Variants in PAX7 observed in about 807,000 individuals in gnomAD.
The protein encoded by PAX7 is paired box 7.
Under a neutral mutation model 50.7 loss-of-function variants are expected in PAX7, and 18 were observed. The ratio of observed to expected loss-of-function variants is 0.36; its 90% CI spans 0.25 to 0.53. PAX7 has a LOEUF of 0.53. Among genes scored for constraint, PAX7 ranks in the 20% least tolerant of loss-of-function variants. The probability of loss-of-function intolerance (pLI) is 0.93; values close to 1 mark genes in which losing one functional copy is unlikely to be tolerated. For missense variants in PAX7, 644 were observed against 702.9 expected, an observed-to-expected ratio of 0.92 and a Z score of 0.95; for synonymous variants, 310 against 290.4, an observed-to-expected ratio of 1.07 and a Z score of -0.69.
chr1:18,651,123 C>T (rs1029485711), intron 4 of PAX7, among the ~76,000 whole-genome samples: 3 of 152,186 alleles, frequency 2.0e-5, no homozygotes, highest in African/African-American at 2.4e-5. Context: ...GGCTTCCCCT[C>T]TCTCAGCCTT....
At chr1:18,739,236 C>G (rs1930986421) in intron 8 of PAX7, among the ~76,000 whole-genome samples, 1 of 152,192 alleles carries the variant, frequency 6.6e-6, no homozygotes, top group Non-Finnish European at 1.5e-5. Context: ...CAATGGTGGA[C>G]CCAAAGTCTT....
At position 18,745,918 on chromosome 1, in the gene PAX7, C is replaced by T. The variant is rs765924875; in HGVS notation, c.*989C>T. ...ATCCCTCTGTTTGTGGGAGGGCAAG[C>T]CTTTGTTGCCCAAGGCTTCAGCTCT... On this transcript the variant is annotated 3_prime_UTR_variant, in exon 9 of 9. Transcript: ENST00000420770. 5 of 231,692 alleles carry T rather than the reference C, an allele frequency of 2.2e-5. No homozygotes were observed. The highest frequency in any genetic ancestry group is 4.3e-5 in the Non-Finnish European group (5 of 117,104). 14.4% of individuals were successfully genotyped at this position (231,692 alleles called of 1,614,324 possible). A position where few individuals can be genotyped will look rare whatever the true frequency, so the allele number is the denominator to read the frequency against.
chr1:18,717,081 A>C (rs1311045630), intron 7 of PAX7, among the ~76,000 whole-genome samples: 2 of 152,060 alleles, frequency 1.3e-5, no homozygotes, highest in African/African-American at 4.8e-5. Context: ...CCATGGCCCG[A>C]GGCCGCCTGA....
intron 7 of PAX7, among the ~76,000 whole-genome samples, chr1:18,710,415 T>G (rs927242984): frequency 3.3e-5 from 5 of 152,086 alleles, no homozygotes; most frequent in African/African-American, 1.2e-4. Context: ...CACCCCTTCA[T>G]TGGCGACACT....
At chr1:18,725,379 G>A (rs574511454) in intron 7 of PAX7, among the ~76,000 whole-genome samples, 4 of 151,834 alleles carry the variant, frequency 2.6e-5, no homozygotes, top group African/African-American at 4.8e-5. Flanking sequence ...CAACCTGGGC[G>A]GGGGACCAGA....
chr1:18,692,269 T>C (rs913688668), intron 5 of PAX7, among the ~76,000 whole-genome samples: 3 of 151,982 alleles, frequency 2.0e-5, no homozygotes, highest in East Asian at 1.9e-4. Context: ...AGGCCAGGTG[T>C]GGTGGCTCAC....
rs1420588647 is a variant in PAX7, at chr1:18,718,321, G to A, written c.1155+15025G>A. Among the ~76,000 whole-genome samples the A allele has an allele frequency of 4.6e-5, 7 of 152,170 alleles. No homozygotes were observed. In the East Asian group the frequency reaches 9.6e-4, roughly 21 times the overall value. ...GCCATACCTGCCAAAAGGATTGGAG[G>A]GTGAGTCTTTGCAGGGTGGGGCGAT... On this transcript the variant is annotated intron_variant, in intron 7 of 8. Transcript: ENST00000420770.
Position 18,698,642 on chromosome 1 carries a change from A to G in PAX7, c.787-2011A>G, listed in dbSNP as rs116495549. ...CGCAGAGCCTGGAAGCTCGGAGGCA[A>G]GGCCATTCCTTGCAGGGCTCCCTCC... On this transcript the variant is annotated intron_variant, in intron 5 of 8. Coordinates refer to ENST00000420770, the MANE Select transcript of PAX7 (RefSeq NM_001135254.2). Among the ~76,000 whole-genome samples, 700 of 152,322 alleles carry G rather than the reference A, an allele frequency of 4.6e-3. 8 individuals carry two copies. The highest frequency in any genetic ancestry group is 0.016 in the African/African-American group (649 of 41,572).
At chr1:18,697,831 C>G (rs924994200) in intron 5 of PAX7, among the ~76,000 whole-genome samples, 12 of 152,156 alleles carry the variant, frequency 7.9e-5, no homozygotes, top group African/African-American at 1.7e-4. Context: ...GCTTATTGCA[C>G]TGAAAAGCAG....
At chr1:18,683,126 C>T (rs921670159) in intron 4 of PAX7, among the ~76,000 whole-genome samples, 4 of 152,164 alleles carry the variant, frequency 2.6e-5, no homozygotes, top group Non-Finnish European at 4.4e-5. Context: ...CTGACCTCCC[C>T]TCCACCCATC....
chr1:18,699,515 C>G (rs987939811), intron 5 of PAX7, among the ~76,000 whole-genome samples: 10 of 151,994 alleles, frequency 6.6e-5, no homozygotes, highest in Admixed American at 6.6e-4. Flanking sequence ...TCTGACCTGT[C>G]CCAGGAAACT....
intron 4 of PAX7, among the ~76,000 whole-genome samples, chr1:18,667,144 G>A (rs143804184): frequency 6.6e-6 from 1 of 152,270 alleles, no homozygotes; most frequent in East Asian, 1.9e-4. Context: ...CTGAGTTGAG[G>A]AGTCAGGTTC....
chr1:18,707,397 C>T (rs187761773), intron 7 of PAX7, among the ~76,000 whole-genome samples: 1 of 141,990 alleles, frequency 7.0e-6, no homozygotes, highest in African/African-American at 2.6e-5. Context: ...CCTTTTCTTT[C>T]CTTTTCTTTT....
intron 8 of PAX7, among the ~76,000 whole-genome samples, chr1:18,737,580 T>C (rs545617831): frequency 3.3e-5 from 5 of 152,408 alleles, no homozygotes; most frequent in African/African-American, 1.2e-4. Context: ...CCATGTGTTA[T>C]TGCATGCATC....
At chr1:18,728,725 C>T (rs1398426886) in intron 7 of PAX7, among the ~76,000 whole-genome samples, 1 of 149,284 alleles carries the variant, frequency 6.7e-6, no homozygotes, top group Non-Finnish European at 1.5e-5. Context: ...ATTAGCCGGG[C>T]TTGGTGGTGC....
At chr1:18,736,630 G>A (rs896791158) in intron 8 of PAX7, among the ~76,000 whole-genome samples, 1 of 152,046 alleles carries the variant, frequency 6.6e-6, no homozygotes, top group African/African-American at 2.4e-5. Context: ...GACATCATGT[G>A]TGTGTTTTAC....
chr1:18,684,180 G>A (rs2088940440), intron 4 of PAX7, among the ~76,000 whole-genome samples: 1 of 152,238 alleles, frequency 6.6e-6, no homozygotes. Flanking sequence ...GGTGGCTGGA[G>A]TCCAGGAAGA....
At chr1:18,707,190 T>C (rs2089294641) in intron 7 of PAX7, among the ~76,000 whole-genome samples, 1 of 152,168 alleles carries the variant, frequency 6.6e-6, no homozygotes, top group African/African-American at 2.4e-5. Flanking sequence ...GAGGTGACAG[T>C]ACAACAGGGT....
intron 7 of PAX7, among the ~76,000 whole-genome samples, chr1:18,711,386 T>C (rs1309880494): frequency 2.0e-5 from 3 of 152,174 alleles, no homozygotes; most frequent in Non-Finnish European, 4.4e-5. Flanking sequence ...ACCTGTGCCC[T>C]GGCCTCCACC....
Sources: gnomAD v4.1 joint callset for allele counts (sites outside exome capture counted in the v4.1 genomes callset) on GRCh38, gnomAD v4.1.1 for gene constraint, MANE v1.5 for transcripts, NCBI Gene and HGNC (gene_info 2026-07-23, HGNC 2026-07-21) for gene names.